CSMD1: variants seen among roughly 807,000 people sequenced by gnomAD.
CSMD1 encodes CUB and Sushi multiple domains 1, also known as CUB and sushi domain-containing protein 1.
A neutral mutation model predicts 417.5 loss-of-function variants in CSMD1; 213 were observed. The observed-to-expected ratio is 0.51, with a 90% CI of 0.46 to 0.57. CSMD1 has a LOEUF of 0.57. Ranked by LOEUF, CSMD1 falls within the 20% of genes least tolerant of loss-of-function variation. CSMD1 has a pLI of 0.00. For synonymous variants in CSMD1, 2,862 were observed against 1,736.8 expected (o/e 1.65, Z -16.11); for missense variants, 6,923 against 4,529.7 (o/e 1.53, Z -15.17).
intron 7 of CSMD1, among the ~76,000 whole-genome samples, chr8:3,635,048 TA>T (rs58803215): frequency 0.05 from 7,347 of 145,810 alleles, 245 homozygotes; most frequent in African/African-American, 0.098. Flanking sequence ...TGTTTAATGA[TA>T]AAAAAAAAAA....
chr8:4,794,482 G>A (rs1180741666), intron 1 of CSMD1, among the ~76,000 whole-genome samples: 2 of 151,978 alleles, frequency 1.3e-5, no homozygotes, highest in Admixed American at 6.6e-5. Flanking sequence ...GTACAAAATG[G>A]GCAGCAAGTC....
At chr8:3,122,725 A>C (rs997180416) in intron 41 of CSMD1, among the ~76,000 whole-genome samples, 1 of 151,428 alleles carries the variant, frequency 6.6e-6, no homozygotes, top group African/African-American at 2.4e-5. Context: ...AGTGCCTTTC[A>C]CCTCCCACCA....
chr8:4,328,006 TG>T (rs1474003748), intron 3 of CSMD1, among the ~76,000 whole-genome samples: 1 of 152,198 alleles, frequency 6.6e-6, no homozygotes, highest in African/African-American at 2.4e-5. Flanking sequence ...TTTATTCATT[TG>T]GGAAATGATA....
At chr8:4,848,935 T>G (rs1321601041) in intron 1 of CSMD1, among the ~76,000 whole-genome samples, 2 of 152,268 alleles carry the variant, frequency 1.3e-5, no homozygotes, top group African/African-American at 4.8e-5. Context: ...AGAAGGTACT[T>G]GTTCTACTTA....
At chr8:3,569,438 G>T (rs539575389) in intron 10 of CSMD1, among the ~76,000 whole-genome samples, 3 of 152,254 alleles carry the variant, frequency 2.0e-5, no homozygotes, top group African/African-American at 7.2e-5. Flanking sequence ...ATCAAGAGAG[G>T]ATTAAATGTT....
chr8:4,989,701 A>G (rs1462580447), intron 1 of CSMD1, among the ~76,000 whole-genome samples: 1 of 152,202 alleles, frequency 6.6e-6, no homozygotes. Context: ...CAGAAAAATT[A>G]CCAGAGGCAG....
chr8:4,629,800 A>C (rs1175988331), intron 2 of CSMD1, among the ~76,000 whole-genome samples: 2 of 152,200 alleles, frequency 1.3e-5, no homozygotes, highest in East Asian at 3.9e-4. Context: ...CCAAATCAAG[A>C]AGATATCTTT....
intron 54 of CSMD1, among the ~76,000 whole-genome samples, chr8:2,994,958 A>T (rs1322049536): frequency 6.6e-6 from 1 of 152,212 alleles, no homozygotes; most frequent in Non-Finnish European, 1.5e-5. Context: ...TCAAATGCAA[A>T]GTGATAGACA....
intron 10 of CSMD1, among the ~76,000 whole-genome samples, chr8:3,554,403 C>T (rs1223824106): frequency 6.6e-6 from 1 of 152,148 alleles, no homozygotes; most frequent in Non-Finnish European, 1.5e-5. Context: ...GACAATGAAG[C>T]CCCCTCTGGG....
At chr8:4,180,804 G>C (rs913585190) in intron 3 of CSMD1, among the ~76,000 whole-genome samples, 1 of 151,958 alleles carries the variant, frequency 6.6e-6, no homozygotes, top group Non-Finnish European at 1.5e-5. Flanking sequence ...TTTGGTACAA[G>C]AGTTCACAAA....
chr8:4,263,630 C>T (rs953597249), intron 3 of CSMD1, among the ~76,000 whole-genome samples: 3 of 152,076 alleles, frequency 2.0e-5, no homozygotes, highest in Admixed American at 6.6e-5. Flanking sequence ...AAATAGGAAA[C>T]CATATCATCT....
At chr8:4,175,643 T>G (rs946076951) in intron 3 of CSMD1, among the ~76,000 whole-genome samples, 1 of 152,128 alleles carries the variant, frequency 6.6e-6, no homozygotes, top group South Asian at 2.1e-4. Flanking sequence ...GGCAAAAACT[T>G]GAAGTCAGAA....
chr8:3,930,901 A>C (rs533190534), intron 5 of CSMD1, among the ~76,000 whole-genome samples: 11 of 150,788 alleles, frequency 7.3e-5, no homozygotes, highest in South Asian at 6.4e-4. Flanking sequence ...CAAATGTCAC[A>C]GAAAAATAAT....
intron 1 of CSMD1, among the ~76,000 whole-genome samples, chr8:4,840,265 G>T (rs1800765124): frequency 1.4e-5 from 1 of 70,386 alleles, no homozygotes; most frequent in South Asian, 5.1e-4. Context: ...TTCAGGTAAA[G>T]TATTCCTGCT....
At chr8:3,887,808 G>T (rs1806667050) in intron 5 of CSMD1, among the ~76,000 whole-genome samples, 1 of 152,174 alleles carries the variant, frequency 6.6e-6, no homozygotes, top group Non-Finnish European at 1.5e-5. Context: ...TTTTGCCTCT[G>T]TCTGCCTCCG....
intron 5 of CSMD1, among the ~76,000 whole-genome samples, chr8:3,932,057 G>T (rs528152967): frequency 6.6e-6 from 1 of 150,380 alleles, no homozygotes; most frequent in East Asian, 2.0e-4. Context: ...CAGAGAGTAG[G>T]ATTCAATATA....
At chr8:4,955,694 G>A (rs1218158065) in intron 1 of CSMD1, among the ~76,000 whole-genome samples, 5 of 146,446 alleles carry the variant, frequency 3.4e-5, no homozygotes, top group Non-Finnish European at 7.6e-5. Context: ...GACCTCAGGT[G>A]ATCCACCCAC....
chr8:2,962,793 A>T (rs570146369), intron 60 of CSMD1, among the ~76,000 whole-genome samples, 154 bp from the exon 61 acceptor site: 20 of 152,314 alleles, frequency 1.3e-4, no homozygotes, highest in African/African-American at 4.8e-4. Flanking sequence ...TCACGCCTGT[A>T]ATCCCAACAC....
At chr8:3,035,632 A>G (rs973963180) in intron 50 of CSMD1, among the ~76,000 whole-genome samples, 1 of 152,222 alleles carries the variant, frequency 6.6e-6, no homozygotes, top group East Asian at 1.9e-4. Flanking sequence ...AAACTCCTTG[A>G]ATGTTTTAAA....
Sources: allele counts gnomAD v4.1 joint callset (sites outside exome capture counted in the v4.1 genomes callset), GRCh38; gene constraint gnomAD v4.1.1; transcripts MANE v1.5; gene names NCBI Gene and HGNC (gene_info 2026-07-23, HGNC 2026-07-21).